The following ZFAT variants were observed in gnomAD, a reference collection of about 807,000 sequenced individuals.
ZFAT encodes the protein zinc finger protein ZFAT.
Under a neutral mutation model 117.7 loss-of-function variants are expected in ZFAT, and 64 were observed. That is an observed-to-expected ratio of 0.54 (90% CI 0.44 to 0.67). ZFAT has a LOEUF of 0.67. Ranked by LOEUF, ZFAT falls within the 30% of genes least tolerant of loss-of-function variation. The pLI is 0.00. For missense variants in ZFAT, 1,433 were observed against 1,584.5 expected (o/e 0.90, Z 1.62); for synonymous variants, 679 against 615.0 (o/e 1.10, Z -1.54).
chr8:134,780,752 T>C, the ZFAT span, among the ~76,000 whole-genome samples: 2 of 152,232 alleles, frequency 1.3e-5, no homozygotes, highest in African/African-American at 4.8e-5. Context: ...AGATGCTCAA[T>C]AAATGCTGAA....
chr8:134,801,414 T>G, the ZFAT span, among the ~76,000 whole-genome samples: 1 of 152,216 alleles, frequency 6.6e-6, no homozygotes, highest in African/African-American at 2.4e-5. Flanking sequence ...ATCTTCAAAT[T>G]TGGAAGTAAA....
chr8:134,493,504 T>C (rs1168070913), intron 15 of ZFAT, among the ~76,000 whole-genome samples: 2 of 152,256 alleles, frequency 1.3e-5, no homozygotes, highest in African/African-American at 4.8e-5. Context: ...ACCTCTTGCA[T>C]GTCTCGGCAG....
intron 1 of ZFAT, among the ~76,000 whole-genome samples, chr8:134,658,605 T>C (rs73711298): frequency 2.0e-5 from 3 of 152,338 alleles, no homozygotes; most frequent in African/African-American, 7.2e-5. Flanking sequence ...CTCATTATAC[T>C]AGGCAGGAAG....
the ZFAT span, among the ~76,000 whole-genome samples, chr8:134,819,907 G>GT: frequency 6.6e-6 from 1 of 152,092 alleles, no homozygotes; most frequent in East Asian, 1.9e-4. Context: ...CCCAGCCAAG[G>GT]TTTTGTTTCT....
chr8:134,583,461 T>A (rs143573579), intron 10 of ZFAT, among the ~76,000 whole-genome samples: 2 of 152,332 alleles, frequency 1.3e-5, no homozygotes, highest in African/African-American at 4.8e-5. Context: ...AGGCCAGGTG[T>A]GATCAAGGTT....
intron 10 of ZFAT, among the ~76,000 whole-genome samples, chr8:134,569,354 A>G (rs561443850): frequency 2.6e-5 from 4 of 152,152 alleles, no homozygotes; most frequent in Non-Finnish European, 5.9e-5. Context: ...GTTGACCCCA[A>G]CACCCCCATT....
chr8:134,751,415 T>C, the ZFAT span, among the ~76,000 whole-genome samples: 1 of 152,028 alleles, frequency 6.6e-6, no homozygotes, highest in Non-Finnish European at 1.5e-5. Context: ...GATACGTGGG[T>C]TGGGGCAGGA....
intron 11 of ZFAT, among the ~76,000 whole-genome samples, chr8:134,542,380 G>T (rs1323206998): frequency 6.6e-6 from 1 of 152,152 alleles, no homozygotes; most frequent in Non-Finnish European, 1.5e-5. Flanking sequence ...ACAGAGGTTT[G>T]GTGTACAGAT....
chr8:134,832,324 G>A, the ZFAT span, among the ~76,000 whole-genome samples: 1 of 151,748 alleles, frequency 6.6e-6, no homozygotes, highest in Non-Finnish European at 1.5e-5. Flanking sequence ...GTGCGCGCGC[G>A]TGTACATGTC....
intron 15 of ZFAT, among the ~76,000 whole-genome samples, chr8:134,493,437 G>A (rs1032895559): frequency 6.6e-6 from 1 of 152,216 alleles, no homozygotes; most frequent in Non-Finnish European, 1.5e-5. Flanking sequence ...TTTCCATACT[G>A]GCCAAACCAA....
At chr8:134,549,499 T>C (rs1169160107) in intron 11 of ZFAT, among the ~76,000 whole-genome samples, 1 of 150,564 alleles carries the variant, frequency 6.6e-6, no homozygotes, top group Non-Finnish European at 1.5e-5. Context: ...CCCCAGAGGC[T>C]GCTCAGTGCC....
the ZFAT span, among the ~76,000 whole-genome samples, chr8:134,740,707 C>A: frequency 6.6e-6 from 1 of 152,190 alleles, no homozygotes; most frequent in Non-Finnish European, 1.5e-5. Context: ...ATGTTCTGGC[C>A]TTTGGAAGGA....
intron 2 of ZFAT, among the ~76,000 whole-genome samples, chr8:134,651,047 G>A (rs1179413976): frequency 6.6e-6 from 1 of 152,208 alleles, no homozygotes; most frequent in Non-Finnish European, 1.5e-5. Flanking sequence ...GCAACGATGT[G>A]GAGAAATTGG....
At chr8:134,704,896 A>T (rs979202462) in intron 1 of ZFAT, among the ~76,000 whole-genome samples, 2 of 147,324 alleles carry the variant, frequency 1.4e-5, no homozygotes, top group Non-Finnish European at 3.0e-5. Context: ...ATAAACCTTT[A>T]AAAAAAAAAA....
Position 134,712,990 on chromosome 8 carries a change from C to A in ZFAT, c.-127G>T, listed in dbSNP as rs1176932934. On this transcript the variant is annotated 5_prime_UTR_variant, in exon 1 of 16. Transcript: ENST00000377838. Reference sequence around the variant, plus strand: ...ATTTTTATTTTTTTAAGAAAAGAGCCGGCGAGGTTATGGCGAATCTGCGGC... The same window carrying A: ...ATTTTTATTTTTTTAAGAAAAGAGCAGGCGAGGTTATGGCGAATCTGCGGC... 1.5e-5 allele frequency: 18 copies of A among 1,176,032 alleles called. No individual in the cohort carries two copies. The highest frequency in any genetic ancestry group is 2.0e-5 in the Non-Finnish European group (18 of 894,382). 72.8% of individuals were successfully genotyped at this position (1,176,032 alleles called of 1,614,324 possible).
At chr8:134,752,269 C>T in the ZFAT span, among the ~76,000 whole-genome samples, 3 of 152,162 alleles carry the variant, frequency 2.0e-5, no homozygotes, top group Non-Finnish European at 4.4e-5. Flanking sequence ...ATTCAAACAC[C>T]AGCCTCTGTG....
chr8:134,497,348 G>A (rs1361780877), intron 15 of ZFAT, among the ~76,000 whole-genome samples: 2 of 152,136 alleles, frequency 1.3e-5, no homozygotes, highest in East Asian at 1.9e-4. Flanking sequence ...CAGAGGAGGG[G>A]GACTGACAGC....
At chr8:134,748,635 C>T in the ZFAT span, among the ~76,000 whole-genome samples, 7 of 152,298 alleles carry the variant, frequency 4.6e-5, no homozygotes, top group Non-Finnish European at 1.0e-4. Flanking sequence ...CACTATACAA[C>T]GCGACACTGT....
chr8:134,592,739 G>A (rs904736889), intron 7 of ZFAT, among the ~76,000 whole-genome samples: 1 of 152,108 alleles, frequency 6.6e-6, no homozygotes, highest in Non-Finnish European at 1.5e-5. Flanking sequence ...TATTCCCTGG[G>A]AGTCTCCGAG....
Sources: allele counts gnomAD v4.1 joint callset (sites outside exome capture counted in the v4.1 genomes callset), GRCh38; gene constraint gnomAD v4.1.1; transcripts MANE v1.5; gene names NCBI Gene and HGNC (gene_info 2026-07-23, HGNC 2026-07-21).